Variants in CD72 observed in about 807,000 individuals in gnomAD.
CD72 encodes the protein CD72 molecule.
Under a neutral mutation model 50.7 loss-of-function variants are expected in CD72, and 28 were observed. The ratio of observed to expected loss-of-function variants is 0.55; its 90% CI spans 0.41 to 0.76. The LOEUF is 0.76. Ranked by LOEUF, CD72 falls within the 30% of genes least tolerant of loss-of-function variation. CD72 has a pLI of 0.00. For missense variants in CD72, 403 were observed against 420.6 expected (o/e 0.96, Z 0.37); for synonymous variants, 176 against 171.2 (o/e 1.03, Z -0.22).
chr9:35,636,038 T>C (rs1396766868), intron 1 of CD72, among the ~76,000 whole-genome samples: 1 of 152,144 alleles, frequency 6.6e-6, no homozygotes, highest in Admixed American at 6.5e-5. Flanking sequence ...GAATTGGAAT[T>C]GGGGGAGAGA....
chr9:35,618,492 G>T, upstream of CD72: 1 of 1,385,494 alleles, frequency 7.2e-7, no homozygotes, highest in Non-Finnish European at 9.9e-7. Flanking sequence ...TGGGCTCAAT[G>T]AAGCAGAAGG....
intron 1 of CD72, among the ~76,000 whole-genome samples, chr9:35,645,199 CAAA>C (rs539705878): frequency 1.1e-4 from 10 of 95,120 alleles, no homozygotes; most frequent in Admixed American, 1.1e-4. Context: ...AACTCCGTCT[CAAA>C]AAAAAAAAAA....
intron 2 of CD72, 43 bp from the exon 3 acceptor site, chr9:35,617,290 G>A (rs1420396211): frequency 2.0e-6 from 3 of 1,512,858 alleles, no homozygotes; most frequent in Non-Finnish European, 2.7e-6. Context: ...AGCCCCGAGT[G>A]TTGCCCCTTC....
At chr9:35,611,463 G>T (rs941209306) in intron 7 of CD72, among the ~76,000 whole-genome samples, 2 of 152,150 alleles carry the variant, frequency 1.3e-5, no homozygotes, top group Non-Finnish European at 2.9e-5. Flanking sequence ...TACAACCTCA[G>T]TTTGGGTGGC....
At chr9:35,636,050 G>A (rs1373760833) in intron 1 of CD72, among the ~76,000 whole-genome samples, 3 of 152,080 alleles carry the variant, frequency 2.0e-5, no homozygotes, top group African/African-American at 7.2e-5. Context: ...GGGGAGAGAG[G>A]TTTTTACTTT....
intron 8 of CD72, 53 bp downstream of exon 8, chr9:35,610,543 TGCTCTG>T: frequency 8.0e-7 from 1 of 1,250,624 alleles, no homozygotes; most frequent in Non-Finnish European, 1.1e-6. Flanking sequence ...TCTGAGTCCC[TGCTCTG>T]AGTCCCTCTG....
chr9:35,618,617 A>G, upstream of CD72: 1 of 605,458 alleles, frequency 1.7e-6, no homozygotes. Flanking sequence ...ATGCATCTTA[A>G]ACCCATATGG....
upstream of CD72, among the ~76,000 whole-genome samples, chr9:35,620,799 G>C (rs1380706044): frequency 6.6e-6 from 1 of 152,120 alleles, no homozygotes; most frequent in Non-Finnish European, 1.5e-5. Flanking sequence ...GGGCCACAGA[G>C]TGAGACTCTG....
intron 1 of CD72, among the ~76,000 whole-genome samples, chr9:35,628,246 G>A (rs1823213631): frequency 6.6e-6 from 1 of 152,130 alleles, no homozygotes; most frequent in Non-Finnish European, 1.5e-5. Flanking sequence ...GGGACTACAG[G>A]CACGTGTTAC....
chr9:35,610,065 C>G lies in CD72; in HGVS notation c.*258G>C, dbSNP rs959364451. ...CAGCCCGTGCGCCCTCCTCCCCCACCCCATTCTACCATGGGAAGTTCTTGG... is the reference window on the plus strand; with the variant it reads ...CAGCCCGTGCGCCCTCCTCCCCCACGCCATTCTACCATGGGAAGTTCTTGG... On this transcript the variant is annotated 3_prime_UTR_variant, in exon 9 of 9. Transcript: ENST00000259633. 3 of 304,172 alleles carry G rather than the reference C, an allele frequency of 9.9e-6. No individual in the cohort carries two copies. Among genetic ancestry groups the G allele is most frequent in the Non-Finnish European group, 1.8e-5 (3 of 165,276 alleles). 18.8% of individuals were successfully genotyped at this position (304,172 alleles called of 1,614,324 possible).
intron 7 of CD72, among the ~76,000 whole-genome samples, chr9:35,611,105 G>A (rs1380045097): frequency 6.6e-6 from 1 of 152,182 alleles, no homozygotes; most frequent in Non-Finnish European, 1.5e-5. Context: ...CAAAAAATTA[G>A]CCGGGCATGG....
intron 6 of CD72, 152 bp from the exon 7 acceptor site, chr9:35,612,071 C>T: frequency 1.7e-6 from 1 of 594,908 alleles, no homozygotes; most frequent in Non-Finnish European, 3.0e-6. Flanking sequence ...CAAGTGCCAC[C>T]CTGCAGATGC....
At position 35,610,619 on chromosome 9, in the gene CD72, C is replaced by T. The variant is rs983517456; in HGVS notation, c.*5G>A. 6.2e-7 allele frequency: 1 copy of T among 1,613,384 alleles called. No homozygotes were observed. Among genetic ancestry groups the T allele is most frequent in the Non-Finnish European group, 8.5e-7 (1 of 1,179,538 alleles). On this transcript the variant is annotated 3_prime_UTR_variant, in exon 8 of 9. Transcript: ENST00000259633. ...ACTCTTACCAACTCAGTGCAAAGGACTGTCCTAATCTGGAAACCTGAAAGC... is the reference window on the plus strand; with the variant it reads ...ACTCTTACCAACTCAGTGCAAAGGATTGTCCTAATCTGGAAACCTGAAAGC...
At chr9:35,646,240 T>A (rs922941889) in intron 1 of CD72, 1 of 152,180 alleles carries the variant, frequency 6.6e-6, no homozygotes, top group African/African-American at 2.4e-5. Flanking sequence ...CCGTTTTCAA[T>A]GTGTCCCTAT....
chr9:35,633,487 G>C (rs1414077932), intron 1 of CD72, among the ~76,000 whole-genome samples: 1 of 151,820 alleles, frequency 6.6e-6, no homozygotes, highest in African/African-American at 2.4e-5. Context: ...TTTTTATTTT[G>C]TGAACATAGT....
At chr9:35,639,252 AG>A (rs1217461560) in intron 1 of CD72, among the ~76,000 whole-genome samples, 3 of 152,180 alleles carry the variant, frequency 2.0e-5, no homozygotes, top group Non-Finnish European at 4.4e-5. Flanking sequence ...AAGCACCCTT[AG>A]GGCAAAATAA....
upstream of CD72, chr9:35,618,634 C>A: frequency 1.6e-6 from 1 of 613,342 alleles, no homozygotes; most frequent in Non-Finnish European, 2.6e-6. Flanking sequence ...ATGGGCCATG[C>A]TGGGCCCCAA....
chr9:35,618,238 G>A lies in CD72; in HGVS notation c.66C>T (p.Ser22=), dbSNP rs754428196. 2 of 1,614,150 alleles carry A rather than the reference G, an allele frequency of 1.2e-6. No homozygotes were observed. Among genetic ancestry groups the A allele is most frequent in the East Asian group, 2.2e-5 (1 of 44,884 alleles). ...FVKAPLKKSI[S]SRLGQDPGAD... The stretch of plus-strand genomic sequence containing the variant: ...CCCCCTTACCCTGTCCTAACCGGCT[G>A]GAGATGCTCTTCTTCAGGGGAGCCT... The change falls in exon 1 of 9, where the codon TCC becomes TCT. Residue 22 remains serine (S), a synonymous_variant. Coordinates refer to ENST00000259633, the MANE Select transcript of CD72 (RefSeq NM_001782.3).
chr9:35,614,530 A>C (rs1320577679), intron 5 of CD72, among the ~76,000 whole-genome samples: 1 of 152,200 alleles, frequency 6.6e-6, no homozygotes, highest in South Asian at 2.1e-4. Context: ...AGGAGTTACT[A>C]TGGAGAGCAA....
Sources: allele counts gnomAD v4.1 joint callset (sites outside exome capture counted in the v4.1 genomes callset), GRCh38; gene constraint gnomAD v4.1.1; transcripts MANE v1.5; gene names NCBI Gene and HGNC (gene_info 2026-07-23, HGNC 2026-07-21).